Variants in KCNN2 observed in about 807,000 individuals in gnomAD.
KCNN2 encodes small conductance calcium-activated potassium channel protein 2.
A neutral mutation model predicts 55.5 loss-of-function variants in KCNN2; 24 were observed. The observed-to-expected ratio is 0.43, with a 90% confidence interval of 0.31 to 0.61. The LOEUF is 0.61. Ranked by LOEUF, KCNN2 falls within the 20% of genes least tolerant of loss-of-function variation. The probability of loss-of-function intolerance (pLI) is 0.08; values close to 1 mark genes in which losing one functional copy is unlikely to be tolerated. For missense variants in KCNN2, 754 were observed against 853.6 expected, an observed-to-expected ratio of 0.88 and a Z score of 1.45; for synonymous variants, 431 against 336.1, an observed-to-expected ratio of 1.28 and a Z score of -3.09.
intron 2 of KCNN2, among the ~76,000 whole-genome samples, chr5:114,233,723 C>A (rs1261017556): frequency 6.6e-6 from 1 of 152,142 alleles, no homozygotes; most frequent in Non-Finnish European, 1.5e-5. Context: ...TTAAGATTAA[C>A]CACAATGAGA....
intron 1 of KCNN2, among the ~76,000 whole-genome samples, chr5:114,173,293 C>T (rs747878589): frequency 2.6e-5 from 4 of 151,930 alleles, no homozygotes; most frequent in Non-Finnish European, 5.9e-5. Context: ...ATCTATGTGT[C>T]TGTTTTTATG....
chr5:114,494,452 A>G (rs1486522356), intron 7 of KCNN2, among the ~76,000 whole-genome samples: 1 of 151,358 alleles, frequency 6.6e-6, no homozygotes. Context: ...AGCATATATC[A>G]TGCATATAAA....
chr5:114,103,332 T>A (rs1257814878), intron 1 of KCNN2, among the ~76,000 whole-genome samples: 2 of 152,130 alleles, frequency 1.3e-5, no homozygotes, highest in African/African-American at 4.8e-5. Context: ...TGGGCTGAGA[T>A]GATGGGGTTT....
At chr5:114,121,179 C>T (rs1751823951) in intron 1 of KCNN2, among the ~76,000 whole-genome samples, 1 of 152,190 alleles carries the variant, frequency 6.6e-6, no homozygotes, top group South Asian at 2.1e-4. Flanking sequence ...GACAGATTAA[C>T]CAGATATCCT....
chr5:114,412,524 G>T (rs1759168885), intron 3 of KCNN2, among the ~76,000 whole-genome samples: 1 of 152,176 alleles, frequency 6.6e-6, no homozygotes, highest in Non-Finnish European at 1.5e-5. Context: ...ACATAAGCCA[G>T]TTGTCATGGA....
At chr5:114,101,502 G>T (rs1361207551) in intron 1 of KCNN2, among the ~76,000 whole-genome samples, 2 of 151,106 alleles carry the variant, frequency 1.3e-5, no homozygotes, top group African/African-American at 4.9e-5. Flanking sequence ...TGTTACATAG[G>T]TATACATGTG....
intron 3 of KCNN2, among the ~76,000 whole-genome samples, chr5:114,456,301 A>C (rs942654747): frequency 6.6e-6 from 1 of 152,222 alleles, no homozygotes; most frequent in Non-Finnish European, 1.5e-5. Flanking sequence ...TGTGCCCTGT[A>C]AATGGAACAA....
chr5:114,135,396 C>A (rs529563174), intron 1 of KCNN2, among the ~76,000 whole-genome samples: 3 of 152,256 alleles, frequency 2.0e-5, no homozygotes, highest in East Asian at 1.9e-4. Context: ...GAGAACCAAA[C>A]TGAAACAGGA....
chr5:114,472,827 T>C (rs899063220), intron 4 of KCNN2, among the ~76,000 whole-genome samples: 3 of 152,190 alleles, frequency 2.0e-5, no homozygotes, highest in Non-Finnish European at 2.9e-5. Context: ...AATGGAAATG[T>C]TTTTTCCAAA....
chr5:114,114,842 A>G (rs1751679489), intron 1 of KCNN2, among the ~76,000 whole-genome samples: 2 of 152,162 alleles, frequency 1.3e-5, no homozygotes, highest in African/African-American at 4.8e-5. Flanking sequence ...ATTGCACGAC[A>G]ATTTTAGGCA....
At chr5:114,273,089 A>G (rs2150009285) in intron 2 of KCNN2, among the ~76,000 whole-genome samples, 1 of 152,072 alleles carries the variant, frequency 6.6e-6, no homozygotes, top group South Asian at 2.1e-4. Flanking sequence ...ATGTATTCTC[A>G]TTGTTCAACT....
intron 2 of KCNN2, among the ~76,000 whole-genome samples, chr5:114,332,088 ATTCAT>A (rs1756835031): frequency 1.3e-5 from 2 of 152,336 alleles, no homozygotes; most frequent in Middle Eastern, 6.8e-3. Flanking sequence ...ACAGTAATTT[ATTCAT>A]TTCATTTGTT....
chr5:114,212,689 A>T (rs888483209), intron 1 of KCNN2, among the ~76,000 whole-genome samples: 1 of 151,980 alleles, frequency 6.6e-6, no homozygotes. Flanking sequence ...GACCAAAATG[A>T]CTGGAAGGAC....
chr5:114,252,865 A>C (rs923880302), intron 2 of KCNN2, among the ~76,000 whole-genome samples: 2 of 152,148 alleles, frequency 1.3e-5, no homozygotes, highest in African/African-American at 2.4e-5. Flanking sequence ...AGGACTGAAA[A>C]GAGAAATGGC....
At chr5:114,095,940 A>T (rs1751246318) in intron 1 of KCNN2, among the ~76,000 whole-genome samples, 1 of 152,098 alleles carries the variant, frequency 6.6e-6, no homozygotes, top group Non-Finnish European at 1.5e-5. Flanking sequence ...TTTTTCAAGC[A>T]TATCAGTATT....
rs138787243 is a variant in KCNN2 at position 114,189,608 on chromosome 5, A to G, written c.-270-31872A>G. Among the ~76,000 whole-genome samples the G allele has an allele frequency of 7.1e-4, 108 of 152,294 alleles. 1 individual carries two copies. The highest frequency in any genetic ancestry group is 2.6e-3 in the African/African-American group (107 of 41,574). On this transcript the variant is annotated intron_variant, in intron 1 of 10. Transcript: ENST00000512097. The stretch of plus-strand genomic sequence containing the variant: ...GTAACCATCAGAAAAACTAACTCGT[A>G]TGTTTTACTTACTATATATCAGGCA...
chr5:114,321,940 A>T (rs1756621314), intron 2 of KCNN2, among the ~76,000 whole-genome samples: 1 of 152,152 alleles, frequency 6.6e-6, no homozygotes, highest in Non-Finnish European at 1.5e-5. Flanking sequence ...ATGAGTCACC[A>T]CACCTGGCCG....
intron 1 of KCNN2, among the ~76,000 whole-genome samples, chr5:114,145,647 A>G (rs1752383471): frequency 6.6e-6 from 1 of 152,086 alleles, no homozygotes; most frequent in East Asian, 1.9e-4. Context: ...GGGCAGGACA[A>G]CGATCATCTA....
chr5:114,444,932 T>A (rs757369746), intron 3 of KCNN2, among the ~76,000 whole-genome samples: 2 of 152,132 alleles, frequency 1.3e-5, no homozygotes, highest in Non-Finnish European at 2.9e-5. Flanking sequence ...TCAAGTACAG[T>A]GATTTGCACA....
Sources: allele counts gnomAD v4.1 joint callset (sites outside exome capture counted in the v4.1 genomes callset), GRCh38; gene constraint gnomAD v4.1.1; transcripts MANE v1.5; gene names NCBI Gene and HGNC (gene_info 2026-07-23, HGNC 2026-07-21).